Variants in DPY19L2 observed in about 807,000 individuals in gnomAD.
DPY19L2 encodes the protein probable C-mannosyltransferase DPY19L2.
DPY19L2 carries 34 observed loss-of-function variants against 97.9 expected under a neutral mutation model. The observed-to-expected ratio is 0.35, with a 90% CI of 0.26 to 0.46. The LOEUF is 0.46. Ranked by LOEUF, DPY19L2 falls within the 20% of genes least tolerant of loss-of-function variation. The pLI, the probability that DPY19L2 is intolerant of heterozygous loss-of-function variation, is 1.00. For synonymous variants in DPY19L2, 230 were observed against 307.9 expected (o/e 0.75, Z 2.65); for missense variants, 623 against 911.4 (o/e 0.68, Z 4.07).
chr12:63,589,114 G>A (rs1306788972), intron 16 of DPY19L2, among the ~76,000 whole-genome samples: 1 of 151,694 alleles, frequency 6.6e-6, no homozygotes, highest in African/African-American at 2.4e-5. Flanking sequence ...ATGAAACAGT[G>A]AGACACTAAA....
intron 11 of DPY19L2, among the ~76,000 whole-genome samples, chr12:63,611,566 A>T (rs563042095): frequency 2.0e-5 from 3 of 151,982 alleles, no homozygotes; most frequent in East Asian, 3.9e-4. Context: ...GAGAAAGAAC[A>T]TGTTAACTAG....
intron 6 of DPY19L2, among the ~76,000 whole-genome samples, chr12:63,635,841 T>G (rs1425260806): frequency 6.6e-6 from 1 of 152,128 alleles, no homozygotes; most frequent in Non-Finnish European, 1.5e-5. Context: ...GGAACCACAT[T>G]GGAAAACACT....
chr12:63,625,766 T>C (rs1442792617), intron 7 of DPY19L2, among the ~76,000 whole-genome samples: 1 of 152,088 alleles, frequency 6.6e-6, no homozygotes, highest in Non-Finnish European at 1.5e-5. Context: ...TCTTTCATTG[T>C]TGTTAAGGGG....
In DPY19L2 at chr12:63,623,754, G is replaced by C. The variant is rs959418018; in HGVS notation, c.953+286C>G. On this transcript the variant is annotated intron_variant, in intron 8 of 21. Transcript: ENST00000324472. The stretch of plus-strand genomic sequence containing the variant: ...GAGTCTTGCTCTCTTGCCCAGGCTG[G>C]AGTGCAGTGGCACAATCTCGGCTCA... 28 of 277,736 alleles carry C rather than the reference G, an allele frequency of 1.0e-4. 1 individual carries two copies. Among genetic ancestry groups the C allele is most frequent in the Middle Eastern group, 2.5e-3 (2 of 790 alleles). The allele number at this position is 277,736 out of a possible 1,614,324, so 17.2% of individuals were successfully genotyped here. A position where few individuals can be genotyped will look rare whatever the true frequency, so the allele number is the denominator to read the frequency against.
rs1480562011 is a variant in DPY19L2, at chr12:63,571,159, T to A, written c.1901-302A>T. Among the ~76,000 whole-genome samples, 3 of 152,224 alleles carry A rather than the reference T, an allele frequency of 2.0e-5. No homozygotes were observed. In the East Asian group the frequency reaches 5.8e-4, roughly 29 times the overall value. Reference sequence around the variant, plus strand: ...CTTTGTAGAATCTACAAACTGAGCATGTGAGGGGTCTGGGTTGTGCACTCA... The same window carrying A: ...CTTTGTAGAATCTACAAACTGAGCAAGTGAGGGGTCTGGGTTGTGCACTCA... On this transcript the variant is annotated intron_variant, in intron 19 of 21. Transcript: ENST00000324472.
At chr12:63,608,758 T>G (rs1435724238) in intron 11 of DPY19L2, 83 bp from the exon 12 acceptor site, 5 of 707,552 alleles carry the variant, frequency 7.1e-6, no homozygotes, top group Non-Finnish European at 1.2e-5. Context: ...TCAAAAATTA[T>G]ATAGCCACCC....
At chr12:63,615,856 A>G (rs995425388) in intron 11 of DPY19L2, among the ~76,000 whole-genome samples, 13 of 152,148 alleles carry the variant, frequency 8.5e-5, no homozygotes, top group Admixed American at 7.9e-4. Context: ...GCCACATAAT[A>G]CATAACACAG....
intron 6 of DPY19L2, among the ~76,000 whole-genome samples, chr12:63,631,250 A>C (rs2137937023): frequency 6.6e-6 from 1 of 152,150 alleles, no homozygotes; most frequent in Non-Finnish European, 1.5e-5. Flanking sequence ...AGACACAAAA[A>C]CCCCTTCAAA....
At chr12:63,597,217 T>C (rs1884402463) in intron 14 of DPY19L2, among the ~76,000 whole-genome samples, 1 of 151,422 alleles carries the variant, frequency 6.6e-6, no homozygotes, top group Non-Finnish European at 1.5e-5. Flanking sequence ...TCAAGTGATC[T>C]ACCCGCCTCA....
At chr12:63,582,659 G>A (rs1848169) in intron 17 of DPY19L2, 134 bp from the exon 18 acceptor site, 534,626 of 974,060 alleles carry the variant, frequency 0.55, 149,635 homozygotes, top group East Asian at 0.75. Flanking sequence ...TATTCATTCA[G>A]CAATAATTTA....
chr12:63,638,329 T>A (rs569702760), intron 6 of DPY19L2, among the ~76,000 whole-genome samples: 7 of 152,176 alleles, frequency 4.6e-5, no homozygotes, highest in African/African-American at 1.7e-4. Flanking sequence ...CACCACTCCT[T>A]TTCAACATAG....
chr12:63,564,579 G>T (rs150355552), intron 21 of DPY19L2, among the ~76,000 whole-genome samples: 3,369 of 152,168 alleles, frequency 0.022, 87 homozygotes, highest in African/African-American at 0.057. Flanking sequence ...TAATTTCATT[G>T]TAGTCAGAGA....
chr12:63,602,638 C>T (rs1885373183), intron 12 of DPY19L2, among the ~76,000 whole-genome samples: 1 of 151,978 alleles, frequency 6.6e-6, no homozygotes, highest in African/African-American at 2.4e-5. Context: ...AGAAAAATTC[C>T]TCAGAACCTC....
chr12:63,582,629 C>T, intron 17 of DPY19L2, 104 bp from the exon 18 acceptor site: 1 of 1,231,602 alleles, frequency 8.1e-7, no homozygotes, highest in Admixed American at 2.6e-5. Context: ...GATCTTCTAA[C>T]TTAGTAATAA....
intron 3 of DPY19L2, 146 bp from the exon 4 acceptor site, chr12:63,661,627 G>T: frequency 1.2e-5 from 7 of 607,308 alleles, no homozygotes; most frequent in South Asian, 3.2e-5. Context: ...TTGCATTCTT[G>T]GTTTTTAAAG....
intron 15 of DPY19L2, among the ~76,000 whole-genome samples, chr12:63,595,321 C>T (rs1461918035): frequency 6.6e-6 from 1 of 152,172 alleles, no homozygotes; most frequent in South Asian, 2.1e-4. Flanking sequence ...TGGCTCAAGA[C>T]TGCTTAAAAA....
At chr12:63,648,431 CT>C (rs1345315286) in intron 4 of DPY19L2, among the ~76,000 whole-genome samples, 153 of 143,670 alleles carry the variant, frequency 1.1e-3, no homozygotes, top group East Asian at 3.2e-3. Flanking sequence ...CTTCCCTGGG[CT>C]TTTTTTTTTT....
intron 21 of DPY19L2, among the ~76,000 whole-genome samples, chr12:63,567,826 T>C (rs930957819): frequency 4.6e-5 from 7 of 152,234 alleles, no homozygotes; most frequent in Admixed American, 1.3e-4. Flanking sequence ...TGAATAATCA[T>C]TCCAGTGTCT....
intron 6 of DPY19L2, among the ~76,000 whole-genome samples, chr12:63,627,646 G>C (rs146975623): frequency 6.6e-6 from 1 of 152,052 alleles, no homozygotes; most frequent in Non-Finnish European, 1.5e-5. Flanking sequence ...CACCGCACCC[G>C]GCCAAAAACC....
Sources: allele counts gnomAD v4.1 joint callset (sites outside exome capture counted in the v4.1 genomes callset), GRCh38; gene constraint gnomAD v4.1.1; transcripts MANE v1.5; gene names NCBI Gene and HGNC (gene_info 2026-07-23, HGNC 2026-07-21).